Variants in CPQ observed in about 807,000 individuals in gnomAD.
CPQ encodes Ser-Met dipeptidase.
CPQ carries 37 observed loss-of-function variants against 45.7 expected under a neutral mutation model. The ratio of observed to expected loss-of-function variants is 0.81; its 90% confidence interval spans 0.62 to 1.07. The LOEUF is 1.07. Among genes scored for constraint, CPQ ranks in the 50% least tolerant of loss-of-function variants. The pLI is 0.00. For missense variants in CPQ, 537 were observed against 572.9 expected (o/e 0.94, Z 0.64); for synonymous variants, 186 against 205.8 (o/e 0.90, Z 0.82).
At chr8:96,940,190 A>G (rs1217832871) in intron 4 of CPQ, among the ~76,000 whole-genome samples, 1 of 152,126 alleles carries the variant, frequency 6.6e-6, no homozygotes, top group African/African-American at 2.4e-5. Flanking sequence ...AATAATTAAT[A>G]CATTAAAACA....
intron 2 of CPQ, among the ~76,000 whole-genome samples, chr8:96,814,451 C>A (rs960894838): frequency 9.9e-5 from 15 of 152,142 alleles, no homozygotes; most frequent in African/African-American, 3.6e-4. Context: ...GAGCTTCATT[C>A]CAAATTAAGA....
At chr8:96,869,027 CAT>C (rs1812030905) in intron 3 of CPQ, among the ~76,000 whole-genome samples, 5 of 152,076 alleles carry the variant, frequency 3.3e-5, no homozygotes, top group African/African-American at 1.2e-4. Context: ...AGTCTAAACA[CAT>C]ATTCTAATGC....
chr8:96,969,188 A>G (rs1295744676), intron 5 of CPQ, among the ~76,000 whole-genome samples: 1 of 152,242 alleles, frequency 6.6e-6, no homozygotes, highest in African/African-American at 2.4e-5. Flanking sequence ...GGAATGTGGA[A>G]TATATAAGAA....
chr8:96,654,763 G>T (rs1033852644), intron 1 of CPQ, among the ~76,000 whole-genome samples: 2 of 152,212 alleles, frequency 1.3e-5, no homozygotes, highest in African/African-American at 4.8e-5. Context: ...CCAAAAGACT[G>T]GTAGCTGATG....
intron 1 of CPQ, among the ~76,000 whole-genome samples, chr8:96,665,430 C>T (rs111440531): frequency 2.1e-3 from 313 of 152,170 alleles, no homozygotes; most frequent in Non-Finnish European, 3.0e-3. Context: ...TGATTGAATA[C>T]GTGGGGAATG....
intron 1 of CPQ, among the ~76,000 whole-genome samples, chr8:96,735,925 C>T (rs1425326976): frequency 6.6e-6 from 1 of 152,090 alleles, no homozygotes; most frequent in Non-Finnish European, 1.5e-5. Flanking sequence ...CGCTGTCTTT[C>T]GAGGCCATCC....
At chr8:96,847,767 T>TA (rs1439402465) in intron 3 of CPQ, among the ~76,000 whole-genome samples, 1 of 151,870 alleles carries the variant, frequency 6.6e-6, no homozygotes, top group Non-Finnish European at 1.5e-5. Context: ...TGTTAATTGT[T>TA]AAAATAAGTG....
intron 2 of CPQ, among the ~76,000 whole-genome samples, chr8:96,810,592 GTTA>G (rs1433558383): frequency 3.9e-5 from 6 of 152,206 alleles, no homozygotes; most frequent in Non-Finnish European, 8.8e-5. Flanking sequence ...ACACACATAA[GTTA>G]TTATTATGTC....
At chr8:97,123,211 T>TAAAATAAAATAAAATAA (rs1811784148) in intron 7 of CPQ, among the ~76,000 whole-genome samples, 3 of 67,818 alleles carry the variant, frequency 4.4e-5, no homozygotes, top group African/African-American at 1.9e-4. Flanking sequence ...AAATAAAAAA[T>TAAAATAAAATAAAATAA]AAAATAAAAT....
At chr8:96,873,967 A>C (rs1292913259) in intron 3 of CPQ, among the ~76,000 whole-genome samples, 1 of 151,864 alleles carries the variant, frequency 6.6e-6, no homozygotes, top group African/African-American at 2.4e-5. Flanking sequence ...GATGTGTGAT[A>C]ATCAGGTGGG....
At chr8:97,017,537 C>A (rs1234245409) in intron 5 of CPQ, among the ~76,000 whole-genome samples, 2 of 152,204 alleles carry the variant, frequency 1.3e-5, no homozygotes. Flanking sequence ...GCTCACCCAC[C>A]ACCTGGAAAC....
rs1017520606 is a variant in CPQ at position 96,856,427 on chromosome 8, T to C, written c.641+21247T>C. ...AAGGACTCAAGAGTGACTGCTAGGT[T>C]TTATTTTCTTAATGGCACATATTTT... is the stretch of plus-strand genomic sequence containing the variant. On this transcript the variant is annotated intron_variant, in intron 3 of 7. Coordinates refer to ENST00000220763, the MANE Select transcript of CPQ (RefSeq NM_016134.4). Among the ~76,000 whole-genome samples, 5 of 152,332 alleles carry C rather than the reference T, an allele frequency of 3.3e-5. 1 individual carries two copies. Among genetic ancestry groups the C allele is most frequent in the Admixed American group, 1.3e-4 (2 of 15,304 alleles).
rs986778607 is a variant in CPQ, at chr8:97,106,762, G to A, written c.1256-36258G>A. Among the ~76,000 whole-genome samples, 6 of 152,062 alleles carry A rather than the reference G, an allele frequency of 3.9e-5. No individual in the cohort carries two copies. The South Asian group carries it at 8.3e-4, about 21-fold the overall frequency. On this transcript the variant is annotated intron_variant, in intron 7 of 7. Transcript: ENST00000220763. ...GTGAGTGAGCATAGAGAAGAGAAGAGCCCTGGCAGTTCCATCATTAAGAGC... is the reference window on the plus strand; with the variant it reads ...GTGAGTGAGCATAGAGAAGAGAAGAACCCTGGCAGTTCCATCATTAAGAGC...
intron 5 of CPQ, among the ~76,000 whole-genome samples, chr8:96,991,570 TAATAA>T (rs1335841912): frequency 1.9e-5 from 2 of 105,746 alleles, no homozygotes; most frequent in Non-Finnish European, 4.1e-5. Context: ...ATAATAATAA[TAATAA>T]TAATAATAAT....
At chr8:96,973,004 G>T (rs934543872) in intron 5 of CPQ, among the ~76,000 whole-genome samples, 1 of 152,122 alleles carries the variant, frequency 6.6e-6, no homozygotes, top group African/African-American at 2.4e-5. Context: ...GATGATACCA[G>T]TTCACCAGCA....
chr8:97,031,272 C>T (rs1389112341), intron 6 of CPQ, among the ~76,000 whole-genome samples: 9 of 150,930 alleles, frequency 6.0e-5, no homozygotes, highest in Non-Finnish European at 7.4e-5. Flanking sequence ...CTGCAACCTC[C>T]GCCTCCTGGG....
At position 96,758,907 on chromosome 8, in the gene CPQ, G is replaced by A. The variant is rs146937906; in HGVS notation, c.-34-25957G>A. On this transcript the variant is annotated intron_variant, in intron 1 of 7. Transcript: ENST00000220763. ...GCCAAGTCTCACTCTTTATATCTCCGTATAATACATGTTTCATACATACCT... is the reference window on the plus strand; with the variant it reads ...GCCAAGTCTCACTCTTTATATCTCCATATAATACATGTTTCATACATACCT... Among the ~76,000 whole-genome samples the A allele has an allele frequency of 1.2e-3, 175 of 152,096 alleles. 1 individual carries two copies. Among genetic ancestry groups the A allele is most frequent in the African/African-American group, 4.0e-3 (166 of 41,494 alleles).
At chr8:96,988,081 G>A (rs1809022708) in intron 5 of CPQ, among the ~76,000 whole-genome samples, 1 of 152,130 alleles carries the variant, frequency 6.6e-6, no homozygotes, top group African/African-American at 2.4e-5. Flanking sequence ...GACACTTTTT[G>A]TTGTTTTTGG....
intron 1 of CPQ, among the ~76,000 whole-genome samples, chr8:96,670,128 C>G (rs1372212574): frequency 6.6e-6 from 1 of 152,126 alleles, no homozygotes; most frequent in Non-Finnish European, 1.5e-5. Flanking sequence ...AACAATAGGG[C>G]TTTAGTACTA....
Sources: gnomAD v4.1 joint callset for allele counts (sites outside exome capture counted in the v4.1 genomes callset) on GRCh38, gnomAD v4.1.1 for gene constraint, MANE v1.5 for transcripts, NCBI Gene and HGNC (gene_info 2026-07-23, HGNC 2026-07-21) for gene names.